Variants in CNTN4 observed in about 807,000 individuals in gnomAD.
CNTN4 encodes the protein contactin-4.
CNTN4 carries 77 observed loss-of-function variants against 122.5 expected under a neutral mutation model. The observed-to-expected ratio is 0.63, with a 90% CI of 0.52 to 0.76. The LOEUF (loss-of-function observed/expected upper bound fraction) is 0.76. CNTN4 is among the 30% of genes least tolerant of loss of function. The pLI is 0.00. For missense variants in CNTN4, 1,256 were observed against 1,259.1 expected, an observed-to-expected ratio of 1.00 and a Z score of 0.04; for synonymous variants, 512 against 447.0, an observed-to-expected ratio of 1.15 and a Z score of -1.83.
At chr3:2,662,864 G>T (rs987008217) in intron 4 of CNTN4, among the ~76,000 whole-genome samples, 8 of 152,052 alleles carry the variant, frequency 5.3e-5, no homozygotes, top group African/African-American at 1.9e-4. Context: ...AGGCTGAGGT[G>T]GGTGGATCAC....
intron 13 of CNTN4, among the ~76,000 whole-genome samples, chr3:2,935,645 A>G (rs2094561327): frequency 6.6e-6 from 1 of 152,254 alleles, no homozygotes; most frequent in African/African-American, 2.4e-5. Flanking sequence ...GTGTCACGGA[A>G]AAGGGACGAA....
intron 4 of CNTN4, among the ~76,000 whole-genome samples, chr3:2,733,529 T>A (rs897947547): frequency 7.5e-6 from 1 of 133,390 alleles, no homozygotes; most frequent in African/African-American, 3.1e-5. Flanking sequence ...AGTGCATGTT[T>A]GTGTTTTTTT....
intron 6 of CNTN4, among the ~76,000 whole-genome samples, chr3:2,805,630 G>T (rs1374459372): frequency 6.6e-6 from 1 of 152,134 alleles, no homozygotes; most frequent in Non-Finnish European, 1.5e-5. Context: ...GCTGTACCTT[G>T]GCACTGTCTG....
chr3:3,033,010 A>AT (rs554821430), intron 16 of CNTN4, among the ~76,000 whole-genome samples: 237 of 152,184 alleles, frequency 1.6e-3, no homozygotes, highest in African/African-American at 5.2e-3. Context: ...CCAGCCCTTC[A>AT]TTTTCTTCCT....
intron 6 of CNTN4, among the ~76,000 whole-genome samples, chr3:2,790,650 G>A (rs920370991): frequency 1.3e-5 from 2 of 152,096 alleles, no homozygotes; most frequent in African/African-American, 4.8e-5. Context: ...TGTGAGTGTT[G>A]CATGAATTTA....
At chr3:2,478,590 G>A (rs754435729) in intron 3 of CNTN4, among the ~76,000 whole-genome samples, 4 of 151,910 alleles carry the variant, frequency 2.6e-5, no homozygotes, top group African/African-American at 9.7e-5. Flanking sequence ...GCCCACACCC[G>A]TCCCTCTGAC....
intron 10 of CNTN4, among the ~76,000 whole-genome samples, chr3:2,890,577 A>C (rs2094027816): frequency 6.6e-6 from 1 of 152,242 alleles, no homozygotes; most frequent in Non-Finnish European, 1.5e-5. Flanking sequence ...AGGGTTGGCA[A>C]AATGGCAATT....
chr3:2,338,403 G>A (rs2044044703), intron 2 of CNTN4, among the ~76,000 whole-genome samples: 1 of 151,792 alleles, frequency 6.6e-6, no homozygotes, highest in African/African-American at 2.4e-5. Flanking sequence ...GAGTAGAATA[G>A]TATGATTAAA....
intron 13 of CNTN4, among the ~76,000 whole-genome samples, chr3:2,929,073 T>C (rs919844878): frequency 1.3e-5 from 2 of 152,242 alleles, no homozygotes; most frequent in Admixed American, 6.5e-5. Context: ...AGTAATTTCA[T>C]AGCATTCTTC....
intron 3 of CNTN4, among the ~76,000 whole-genome samples, chr3:2,398,783 G>C (rs1365895090): frequency 6.6e-6 from 1 of 152,122 alleles, no homozygotes; most frequent in African/African-American, 2.4e-5. Context: ...TCACTGATCT[G>C]GACTTGATCC....
chr3:2,387,210 GAC>G (rs1239761227), intron 3 of CNTN4, among the ~76,000 whole-genome samples: 2 of 152,268 alleles, frequency 1.3e-5, no homozygotes, highest in South Asian at 4.1e-4. Context: ...ACTTAGATGT[GAC>G]ACAGTCTATT....
chr3:2,816,222 CG>C (rs571380441), intron 6 of CNTN4, among the ~76,000 whole-genome samples: 3,295 of 142,190 alleles, frequency 0.023, 139 homozygotes, highest in African/African-American at 0.093. Context: ...GGCGTGGTGG[CG>C]GGCGCCTGTA....
chr3:2,939,788 G>C (rs1372179860), intron 13 of CNTN4, among the ~76,000 whole-genome samples: 2 of 152,230 alleles, frequency 1.3e-5, no homozygotes, highest in Non-Finnish European at 2.9e-5. Context: ...GTGTTGGTTT[G>C]TTGAATTTGA....
chr3:2,199,240 A>G (rs1388180577), intron 2 of CNTN4, among the ~76,000 whole-genome samples: 1 of 152,124 alleles, frequency 6.6e-6, no homozygotes, highest in Admixed American at 6.6e-5. Context: ...TGCATGAAGG[A>G]TTCTGTGACT....
At chr3:2,730,733 A>G (rs569721697) in intron 4 of CNTN4, among the ~76,000 whole-genome samples, 2 of 152,082 alleles carry the variant, frequency 1.3e-5, no homozygotes, top group African/African-American at 4.8e-5. Context: ...ATATTTGGGC[A>G]TCTGCCTCAC....
intron 5 of CNTN4, among the ~76,000 whole-genome samples, chr3:2,737,339 C>A (rs1490931621): frequency 2.0e-5 from 3 of 152,146 alleles, no homozygotes; most frequent in Non-Finnish European, 4.4e-5. Flanking sequence ...CCTCGGCCTC[C>A]CAAAGTGCTG....
chr3:2,600,005 CTTCTTTTTTTTTTT>C (rs1421931974), intron 4 of CNTN4, among the ~76,000 whole-genome samples: 1,053 of 28,312 alleles, frequency 0.037, 41 homozygotes, highest in African/African-American at 0.076. Context: ...TTATGGAATT[CTTCTTTTTTTTTTT>C]TTTTTTTTTT....
In CNTN4 at chr3:2,338,656, T is replaced by A. The variant is rs188823389; in HGVS notation, c.-144-522T>A. Among the ~76,000 whole-genome samples, 52 of 152,142 alleles carry A rather than the reference T, an allele frequency of 3.4e-4. No homozygotes were observed. The East Asian group carries it at 7.5e-3, about 22-fold the overall frequency. On this transcript the variant is annotated intron_variant, in intron 2 of 24. Transcript: ENST00000418658. ...AAATTTAGTTCTTCAGGGAAAAATA[T>A]TGTGAGGCAAAAATTATTTCACAAT...
At chr3:3,040,468 A>G (rs1289622370) in intron 20 of CNTN4, 197 bp downstream of exon 20, 19 of 614,030 alleles carry the variant, frequency 3.1e-5, no homozygotes, top group Non-Finnish European at 5.6e-5. Flanking sequence ...TCTGTATATG[A>G]AAACACTTGG....
Sources: gnomAD v4.1 joint callset for allele counts (sites outside exome capture counted in the v4.1 genomes callset) on GRCh38, gnomAD v4.1.1 for gene constraint, MANE v1.5 for transcripts, NCBI Gene and HGNC (gene_info 2026-07-23, HGNC 2026-07-21) for gene names.